The following LGR6 variants were observed in gnomAD, a reference collection of about 807,000 sequenced individuals.
The protein encoded by LGR6 is leucine-rich repeat-containing G protein-coupled receptor 6.
Under a neutral mutation model 69.4 loss-of-function variants are expected in LGR6, and 45 were observed. The ratio of observed to expected loss-of-function variants is 0.65; its 90% CI spans 0.51 to 0.83. The LOEUF (loss-of-function observed/expected upper bound fraction) is 0.83, where lower values mean the gene tolerates loss of function less well. Ranked by LOEUF, LGR6 falls within the 40% of genes least tolerant of loss-of-function variation. The pLI is 0.00. For missense variants in LGR6, 1,108 were observed against 1,246.7 expected, an observed-to-expected ratio of 0.89 and a Z score of 1.68; for synonymous variants, 538 against 555.0, an observed-to-expected ratio of 0.97 and a Z score of 0.43.
chr1:202,280,982 TAC>T, intron 6 of LGR6, 130 bp downstream of exon 6: 2 of 715,538 alleles, frequency 2.8e-6, no homozygotes, highest in Non-Finnish European at 4.7e-6. Flanking sequence ...CGGGCTTGTT[TAC>T]CCACATGCCC....
chr1:202,262,164 C>G (rs566697069), intron 4 of LGR6, among the ~76,000 whole-genome samples: 186 of 151,850 alleles, frequency 1.2e-3, no homozygotes, highest in African/African-American at 4.2e-3. Context: ...TTGCCCATGC[C>G]TATGTCCTGA....
At chr1:202,251,495 G>A (rs894730694) in intron 4 of LGR6, among the ~76,000 whole-genome samples, 1 of 152,182 alleles carries the variant, frequency 6.6e-6, no homozygotes, top group African/African-American at 2.4e-5. Flanking sequence ...CTCCAGGTTG[G>A]GGTATGGGGG....
rs537743451 is a variant in LGR6 at position 202,243,983 on chromosome 1, G to T, written c.428+7990G>T. Among the ~76,000 whole-genome samples, 151 of 152,152 alleles carry T rather than the reference G, an allele frequency of 9.9e-4. 1 individual carries two copies. The highest frequency in any genetic ancestry group is 3.5e-3 in the African/African-American group (144 of 41,482). On this transcript the variant is annotated intron_variant, in intron 4 of 17. Coordinates refer to ENST00000367278, the MANE Select transcript of LGR6 (RefSeq NM_001017403.2). ...TTGTTGTTGTTGTTTTTGAGATGGA[G>T]TCTCGCTCTGTCACCCAGGCTGGAG...
chr1:202,274,540 A>G (rs935983315), intron 4 of LGR6, among the ~76,000 whole-genome samples: 35 of 152,334 alleles, frequency 2.3e-4, no homozygotes, highest in African/African-American at 8.2e-4. Context: ...CAGATCTGGA[A>G]AACCTAGCTC....
rs545110376 is a variant in LGR6 at position 202,243,279 on chromosome 1, C to T, written c.428+7286C>T. Among the ~76,000 whole-genome samples, 9 of 152,198 alleles carry T rather than the reference C, an allele frequency of 5.9e-5. No individual in the cohort carries two copies. In the South Asian group the frequency reaches 1.9e-3, roughly 32 times the overall value. On this transcript the variant is annotated intron_variant, in intron 4 of 17. Coordinates refer to ENST00000367278, the MANE Select transcript of LGR6 (RefSeq NM_001017403.2). ...GGCTCCTGGATTGCCCTATTTCTGT[C>T]ATTACCCTAGGTATTCTAGAGTTAA...
intron 5 of LGR6, among the ~76,000 whole-genome samples, chr1:202,280,487 T>C (rs1420948347): frequency 6.6e-6 from 1 of 152,182 alleles, no homozygotes; most frequent in African/African-American, 2.4e-5. Context: ...ATCAGACCTG[T>C]CTTCTAGAGC....
At chr1:202,208,645 C>T (rs555783104) in intron 1 of LGR6, among the ~76,000 whole-genome samples, 5 of 152,198 alleles carry the variant, frequency 3.3e-5, no homozygotes, top group South Asian at 4.2e-4. Context: ...CGCCAGCCGA[C>T]GCCACGCCAG....
rs1193373727 is a variant in LGR6, at chr1:202,307,402, G to GT, written c.1280+2dup. The GT allele has an allele frequency of 2.5e-6, 4 of 1,613,838 alleles. No homozygotes were observed. The highest frequency in any genetic ancestry group is 3.4e-6 in the Non-Finnish European group (4 of 1,179,824). On this transcript the variant is annotated splice_donor_variant, in intron 14 of 17. Coordinates refer to ENST00000367278, the MANE Select transcript of LGR6 (RefSeq NM_001017403.2). LOFTEE classifies it high-confidence loss of function. ...CCACCCTGCACTCCCTGGTCAAGCTGTAAGTGCCTGCTGCATTCTCCTCCA... is the reference window on the plus strand; with the variant it reads ...CCACCCTGCACTCCCTGGTCAAGCTGTTAAGTGCCTGCTGCATTCTCCTCCA...
Position 202,309,142 on chromosome 1 carries a change from C to T in LGR6, c.1372C>T (p.Gln458Ter). 1 of 1,614,190 alleles carries T rather than the reference C, an allele frequency of 6.2e-7. No individual in the cohort carries two copies. The highest frequency in any genetic ancestry group is 8.5e-7 in the Non-Finnish European group (1 of 1,180,020). Reference sequence around the variant, plus strand: ...GCTCAAAGGGAACCTTGCTCTCTCCCAGGCCTTCTCCAAGGACAGTTTCCC... The same window carrying T: ...GCTCAAAGGGAACCTTGCTCTCTCCTAGGCCTTCTCCAAGGACAGTTTCCC... Reference protein sequence around the residue: ...LKLKGNLALSQAFSKDSFPKL... With the variant: ...LKLKGNLALS The change falls in exon 15 of 18, where the codon CAG becomes TAG. Residue 458 changes from glutamine (Q) to a stop codon, truncating the protein, a stop_gained. Coordinates refer to ENST00000367278, the MANE Select transcript of LGR6 (RefSeq NM_001017403.2). LOFTEE classifies it high-confidence loss of function.
intron 12 of LGR6, 171 bp from the exon 13 acceptor site, chr1:202,306,697 C>T (rs1280149186): frequency 1.5e-6 from 1 of 682,766 alleles, no homozygotes; most frequent in Non-Finnish European, 2.6e-6. Context: ...CCCAAGGCAA[C>T]CGGATCCCCT....
chr1:202,255,474 G>A (rs576248042), intron 4 of LGR6, among the ~76,000 whole-genome samples: 11 of 152,210 alleles, frequency 7.2e-5, no homozygotes, highest in African/African-American at 2.6e-4. Context: ...CCTGCTCCTC[G>A]TCTCTCCCTC....
intron 4 of LGR6, among the ~76,000 whole-genome samples, chr1:202,242,346 A>G (rs1662281999): frequency 1.3e-5 from 2 of 152,034 alleles, no homozygotes. Flanking sequence ...ATCCCCTAAA[A>G]CTATAATCTT....
intron 1 of LGR6, among the ~76,000 whole-genome samples, chr1:202,204,935 CCTTCAAGCACACACACGCA>C (rs1558004339): frequency 8.7e-5 from 1 of 11,488 alleles, no homozygotes; most frequent in Non-Finnish European, 1.9e-4. Flanking sequence ...ACACACACCT[CCTTCAAGCACACACACGCA>C]CCTCCAAACA....
chr1:202,243,594 A>G (rs540993974), intron 4 of LGR6, among the ~76,000 whole-genome samples: 79 of 150,264 alleles, frequency 5.3e-4, no homozygotes, highest in African/African-American at 1.8e-3. Flanking sequence ...GGTGTAGAGC[A>G]GGAGGTGACT....
At chr1:202,225,549 T>G in intron 2 of LGR6, 55 bp downstream of exon 2, 7 of 1,490,454 alleles carry the variant, frequency 4.7e-6, no homozygotes, top group African/African-American at 1.4e-5. Context: ...CTAATATCTC[T>G]GGAACCAGAG....
chr1:202,210,163 G>C (rs923506938), intron 1 of LGR6, among the ~76,000 whole-genome samples: 9 of 152,222 alleles, frequency 5.9e-5, no homozygotes, highest in African/African-American at 2.2e-4. Context: ...TCAACTCTGG[G>C]GGAGGCCTCC....
intron 1 of LGR6, among the ~76,000 whole-genome samples, chr1:202,202,752 A>G (rs992087853): frequency 1.3e-5 from 2 of 151,688 alleles, no homozygotes; most frequent in African/African-American, 4.8e-5. Context: ...CACCTATTTG[A>G]CTCTGCCTGC....
intron 6 of LGR6, among the ~76,000 whole-genome samples, chr1:202,297,010 A>G (rs1300802105): frequency 6.6e-6 from 1 of 152,202 alleles, no homozygotes; most frequent in East Asian, 1.9e-4. Context: ...AAAGTGTAAG[A>G]GAAAATAGCT....
chr1:202,261,265 G>A (rs1298277209), intron 4 of LGR6, among the ~76,000 whole-genome samples: 1 of 125,420 alleles, frequency 8.0e-6, no homozygotes, highest in East Asian at 2.3e-4. Context: ...CCCAGAGTGT[G>A]ATGTTCCCCT....
Sources: gnomAD v4.1 joint callset for allele counts (sites outside exome capture counted in the v4.1 genomes callset) on GRCh38, gnomAD v4.1.1 for gene constraint, MANE v1.5 for transcripts, NCBI Gene and HGNC (gene_info 2026-07-23, HGNC 2026-07-21) for gene names.